TRIO: variants seen among roughly 807,000 people sequenced by gnomAD.
The protein encoded by TRIO is triple functional domain protein.
TRIO carries 58 observed loss-of-function variants against 351.9 expected under a neutral mutation model. The ratio of observed to expected loss-of-function variants is 0.16; its 90% CI spans 0.13 to 0.21. TRIO has a LOEUF of 0.21. Among genes scored for constraint, TRIO ranks in the 10% least tolerant of loss-of-function variants. TRIO has a pLI of 1.00. For synonymous variants in TRIO, 1,758 were observed against 1,595.7 expected (o/e 1.10, Z -2.42); for missense variants, 3,201 against 4,027.8 (o/e 0.79, Z 5.56).
intron 1 of TRIO, among the ~76,000 whole-genome samples, chr5:14,163,998 C>T (rs1252768857): frequency 6.6e-6 from 1 of 152,162 alleles, no homozygotes; most frequent in Non-Finnish European, 1.5e-5. Context: ...TGAATCCAGA[C>T]ATTCATAGTA....
At chr5:14,182,871 CCT>C (rs146253530) in intron 1 of TRIO, among the ~76,000 whole-genome samples, 64,961 of 130,836 alleles carry the variant, frequency 0.5, 16,364 homozygotes, top group East Asian at 0.63. Context: ...GACCCCCCCC[CCT>C]CCACTTTGCC....
intron 1 of TRIO, among the ~76,000 whole-genome samples, chr5:14,170,666 C>A (rs1789045309): frequency 6.6e-6 from 1 of 152,094 alleles, no homozygotes; most frequent in African/African-American, 2.4e-5. Context: ...TCCACCATGC[C>A]TGGCTAATTT....
intron 11 of TRIO, among the ~76,000 whole-genome samples, chr5:14,344,334 T>C (rs1220763007): frequency 1.3e-5 from 2 of 152,228 alleles, no homozygotes; most frequent in Non-Finnish European, 2.9e-5. Context: ...GGTCTTCCCA[T>C]TGGTGGGAAT....
intron 1 of TRIO, among the ~76,000 whole-genome samples, chr5:14,239,529 A>ACTGGGTACT (rs1794000820): frequency 6.6e-6 from 1 of 152,166 alleles, no homozygotes; most frequent in African/African-American, 2.4e-5. Flanking sequence ...TGGGCACTCC[A>ACTGGGTACT]CTGGGTACTG....
chr5:14,442,824 G>A (rs1467674568), intron 34 of TRIO, among the ~76,000 whole-genome samples: 2 of 152,164 alleles, frequency 1.3e-5, no homozygotes, highest in African/African-American at 2.4e-5. Flanking sequence ...TGCCTCAGCC[G>A]CTAGCTAGCT....
intron 55 of TRIO, among the ~76,000 whole-genome samples, chr5:14,505,113 G>T (rs1291577928): frequency 6.6e-6 from 1 of 152,250 alleles, no homozygotes; most frequent in Non-Finnish European, 1.5e-5. Flanking sequence ...TGCCCCTCTG[G>T]TCCCCGTTGT....
At position 14,198,563 on chromosome 5, in the gene TRIO, T is replaced by C. The variant is rs535774052; in HGVS notation, c.157+54681T>C. 2.0e-5 allele frequency among the ~76,000 whole-genome samples: 3 copies of C among 152,332 alleles called. No individual in the cohort carries two copies. In the South Asian group the frequency reaches 6.2e-4, roughly 32 times the overall value. On this transcript the variant is annotated intron_variant, in intron 1 of 56. Coordinates refer to ENST00000344204, the MANE Select transcript of TRIO (RefSeq NM_007118.4). ...ATATGGAACTGCAATGATGGGAATT[T>C]GGGGCATTGAAAGAAGTTGGGTTGG...
chr5:14,202,220 C>T (rs1167250973), intron 1 of TRIO, among the ~76,000 whole-genome samples: 2 of 151,156 alleles, frequency 1.3e-5, no homozygotes, highest in Non-Finnish European at 2.9e-5. Context: ...TCTAAGGACC[C>T]GTACCAGGCT....
intron 1 of TRIO, among the ~76,000 whole-genome samples, chr5:14,175,791 A>G (rs1422748610): frequency 1.3e-5 from 2 of 152,228 alleles, no homozygotes; most frequent in Non-Finnish European, 2.9e-5. Flanking sequence ...GAGCTCCGCA[A>G]AATCTGTGCG....
At chr5:14,385,603 A>C (rs968547234) in intron 21 of TRIO, among the ~76,000 whole-genome samples, 7 of 152,212 alleles carry the variant, frequency 4.6e-5, no homozygotes, top group African/African-American at 1.7e-4. Flanking sequence ...AATGTCTCTG[A>C]AGTGATAGCA....
intron 1 of TRIO, among the ~76,000 whole-genome samples, chr5:14,240,309 A>C (rs941596389): frequency 1.3e-5 from 2 of 152,164 alleles, no homozygotes; most frequent in African/African-American, 4.8e-5. Flanking sequence ...TTTGGTAGGG[A>C]GATTTCTTTC....
intron 1 of TRIO, among the ~76,000 whole-genome samples, chr5:14,270,498 A>T (rs565439901): frequency 6.6e-6 from 1 of 152,248 alleles, no homozygotes; most frequent in Non-Finnish European, 1.5e-5. Flanking sequence ...ACATTAATCT[A>T]CATAAAAATT....
At chr5:14,502,971 A>G (rs1423431272) in intron 54 of TRIO, among the ~76,000 whole-genome samples, 1 of 152,222 alleles carries the variant, frequency 6.6e-6, no homozygotes, top group Non-Finnish European at 1.5e-5. Flanking sequence ...GAGTCTTTCA[A>G]ACGCTTCTTG....
chr5:14,264,346 A>G (rs1263968852), intron 1 of TRIO, among the ~76,000 whole-genome samples: 2 of 152,176 alleles, frequency 1.3e-5, no homozygotes, highest in Non-Finnish European at 2.9e-5. Flanking sequence ...TTCTAAAATT[A>G]TGTGAAGGGG....
At chr5:14,399,757 T>C (rs1020096899) in intron 30 of TRIO, among the ~76,000 whole-genome samples, 1 of 152,188 alleles carries the variant, frequency 6.6e-6, no homozygotes, top group African/African-American at 2.4e-5. Context: ...CAGCATCGTC[T>C]CTGGATCCAG....
intron 34 of TRIO, among the ~76,000 whole-genome samples, chr5:14,452,563 A>G (rs1300381735): frequency 6.6e-6 from 1 of 152,340 alleles, no homozygotes; most frequent in East Asian, 1.9e-4. Flanking sequence ...GCAAATACCT[A>G]TTGAACACAT....
chr5:14,466,864 T>C (rs1008697195), intron 37 of TRIO, among the ~76,000 whole-genome samples: 1 of 152,250 alleles, frequency 6.6e-6, no homozygotes, highest in Non-Finnish European at 1.5e-5. Context: ...ATTACCTCTT[T>C]CCTTTATTTA....
chr5:14,275,361 A>G (rs1485592263), intron 2 of TRIO, among the ~76,000 whole-genome samples: 4 of 152,140 alleles, frequency 2.6e-5, no homozygotes, highest in South Asian at 4.1e-4. Flanking sequence ...GTTCCTCTCC[A>G]TGTGGATATG....
rs531969797 is a variant in TRIO at position 14,489,198 on chromosome 5, C to T, written c.7632+938C>T. 2.1e-5 allele frequency: 12 copies of T among 583,836 alleles called. No individual in the cohort carries two copies. In the South Asian group the frequency reaches 2.7e-4, roughly 13 times the overall value. The allele number at this position is 583,836 out of a possible 1,614,324, so 36.2% of individuals were successfully genotyped here. ...AAATCTAGCTTTTGCATGTCTTTCTCTTTCCTCTGGACTTATTAATGCCTT... is the reference window on the plus strand; with the variant it reads ...AAATCTAGCTTTTGCATGTCTTTCTTTTTCCTCTGGACTTATTAATGCCTT... On this transcript the variant is annotated intron_variant, in intron 48 of 56. Coordinates refer to ENST00000344204, the MANE Select transcript of TRIO (RefSeq NM_007118.4).
Sources: allele counts gnomAD v4.1 joint callset (sites outside exome capture counted in the v4.1 genomes callset), GRCh38; gene constraint gnomAD v4.1.1; transcripts MANE v1.5; gene names NCBI Gene and HGNC (gene_info 2026-07-23, HGNC 2026-07-21).